Variants in ANKRD30BL observed in about 807,000 individuals in gnomAD.
ANKRD30BL encodes the protein ankyrin repeat domain 30B like.
In ANKRD30BL, 20 loss-of-function variants were observed where a neutral mutation model predicts 18.4. The observed-to-expected ratio is 1.09, with a 90% CI of 0.77 to 1.58. The LOEUF is 1.58. Ranked by LOEUF, ANKRD30BL falls within the 40% of genes most tolerant of loss-of-function variation. The pLI is 0.00. For synonymous variants in ANKRD30BL, 72 were observed against 100.9 expected, an observed-to-expected ratio of 0.71 and a Z score of 1.72; for missense variants, 224 against 268.6, an observed-to-expected ratio of 0.83 and a Z score of 1.16.
chr2:132,203,641 A>G (rs1181632325), intron 1 of ANKRD30BL, among the ~76,000 whole-genome samples: 2 of 152,064 alleles, frequency 1.3e-5, no homozygotes, highest in Admixed American at 6.6e-5. Context: ...GAGAAATTAA[A>G]TACAATGGAT....
chr2:132,240,826 A>T (rs1041274514), intron 1 of ANKRD30BL, among the ~76,000 whole-genome samples: 11 of 151,670 alleles, frequency 7.3e-5, no homozygotes, highest in Non-Finnish European at 1.5e-4. Flanking sequence ...ATGAAAAAAG[A>T]AACACCTTCT....
chr2:132,186,395 T>C (rs1432927775), intron 1 of ANKRD30BL, among the ~76,000 whole-genome samples: 1 of 152,200 alleles, frequency 6.6e-6, no homozygotes, highest in Non-Finnish European at 1.5e-5. Context: ...GTATTGAACA[T>C]GTATATGTTT....
rs544115484 is a variant in ANKRD30BL at position 132,172,315 on chromosome 2, T to C, written n.442-15169A>G. 3.9e-5 allele frequency among the ~76,000 whole-genome samples: 6 copies of C among 152,338 alleles called. No individual in the cohort carries two copies. The East Asian group carries it at 1.2e-3, about 29-fold the overall frequency. ...CCACCTAACTGTTGTCCACAGAAGC[T>C]ACACCATTTTACATTCCCACCAGCA... On this transcript the variant is annotated intron_variant and non_coding_transcript_variant, in intron 1 of 4. Transcript: ENST00000470729.
At chr2:132,220,770 T>A (rs1360593544) in intron 1 of ANKRD30BL, among the ~76,000 whole-genome samples, 1 of 151,842 alleles carries the variant, frequency 6.6e-6, no homozygotes, top group African/African-American at 2.4e-5. Context: ...GATTGCAGCC[T>A]CTGCCCGGCC....
upstream of ANKRD30BL, among the ~76,000 whole-genome samples, chr2:132,165,733 A>G (rs1335859088): frequency 1.3e-5 from 2 of 151,794 alleles, no homozygotes. Context: ...AAACAAACAA[A>G]AAAAACCACA....
chr2:132,200,613 A>T (rs1400680200), intron 1 of ANKRD30BL, among the ~76,000 whole-genome samples: 1 of 152,172 alleles, frequency 6.6e-6, no homozygotes, highest in Non-Finnish European at 1.5e-5. Flanking sequence ...CTTCAAGGAG[A>T]ACTACAAACC....
intron 1 of ANKRD30BL, among the ~76,000 whole-genome samples, chr2:132,176,847 A>G (rs1688374858): frequency 6.6e-6 from 1 of 152,192 alleles, no homozygotes; most frequent in African/African-American, 2.4e-5. Context: ...CTGAACTACC[A>G]TTTAAAATGG....
chr2:132,252,900 CCTTT>C (rs1444060511), intron 1 of ANKRD30BL, among the ~76,000 whole-genome samples: 1 of 152,172 alleles, frequency 6.6e-6, no homozygotes, highest in Non-Finnish European at 1.5e-5. Flanking sequence ...GGCTATCTTC[CCTTT>C]CTATTTTCAT....
chr2:132,231,921 A>G (rs1680030223), intron 1 of ANKRD30BL, among the ~76,000 whole-genome samples: 1 of 152,228 alleles, frequency 6.6e-6, no homozygotes, highest in Non-Finnish European at 1.5e-5. Flanking sequence ...ACCTCTGCAG[A>G]CTTAAATGTC....
intron 1 of ANKRD30BL, among the ~76,000 whole-genome samples, chr2:132,242,910 T>G (rs1428853380): frequency 6.6e-6 from 1 of 151,866 alleles, no homozygotes; most frequent in African/African-American, 2.4e-5. Context: ...AGAAGCATTC[T>G]CAGAAACTAC....
intron 1 of ANKRD30BL, among the ~76,000 whole-genome samples, chr2:132,221,968 C>T (rs777246673): frequency 0.011 from 1,429 of 131,916 alleles, 13 homozygotes; most frequent in Non-Finnish European, 0.016. Context: ...AGGTGAGGGG[C>T]GCCTCTGCCT....
chr2:132,206,285 A>G (rs1462240930), intron 1 of ANKRD30BL, among the ~76,000 whole-genome samples: 2 of 152,192 alleles, frequency 1.3e-5, no homozygotes, highest in Admixed American at 6.6e-5. Flanking sequence ...CTACGAATGG[A>G]AACAGCAACA....
chr2:132,149,388 A>T lies in ANKRD30BL; in HGVS notation c.680-1160T>A, dbSNP rs541091793. Among the ~76,000 whole-genome samples, 313 of 152,318 alleles carry T rather than the reference A, an allele frequency of 2.1e-3. 1 individual carries two copies. Among genetic ancestry groups the T allele is most frequent in the Non-Finnish European group, 2.7e-3 (185 of 68,016 alleles). ...CACATCTTGTTCTAATGAAGTAAACATATCTTATTTGGTTTCAACTTAGAG... is the reference window on the plus strand; with the variant it reads ...CACATCTTGTTCTAATGAAGTAAACTTATCTTATTTGGTTTCAACTTAGAG... On this transcript the variant is annotated intron_variant, in intron 5 of 5. Transcript: ENST00000409867.
intron 1 of ANKRD30BL, among the ~76,000 whole-genome samples, chr2:132,251,839 T>C (rs1680656937): frequency 6.6e-6 from 1 of 152,268 alleles, no homozygotes; most frequent in African/African-American, 2.4e-5. Flanking sequence ...GTGTTCTTTA[T>C]CTCTTCTAAG....
In ANKRD30BL at chr2:132,220,489, G is replaced by C. The variant is rs1055473719; in HGVS notation, n.441+37040C>G. Among the ~76,000 whole-genome samples, 48 of 151,964 alleles carry C rather than the reference G, an allele frequency of 3.2e-4. 1 individual carries two copies. The highest frequency in any genetic ancestry group is 2.0e-4 in the Admixed American group (3 of 15,220). On this transcript the variant is annotated intron_variant and non_coding_transcript_variant, in intron 1 of 4. Coordinates refer to the ANKRD30BL transcript ENST00000470729. The stretch of plus-strand genomic sequence containing the variant: ...CCTGATTCTCCTGCCTCAGCCTGCC[G>C]AGTGCCTGTGATTGCAGGCGCGCGT...
At position 132,160,255 on chromosome 2, in the gene ANKRD30BL, T is replaced by C. The variant is rs1474040059; in HGVS notation, c.218+1233A>G. ...TAGATGGGCTTACAGGCTCCCGACA[T>C]CCTGCCTGGCTAATTTTTGTATTTT... On this transcript the variant is annotated intron_variant, in intron 1 of 5. Coordinates refer to ENST00000409867, the MANE Select transcript of ANKRD30BL (RefSeq NM_001358416.1). Among the ~76,000 whole-genome samples the C allele has an allele frequency of 2.6e-5, 4 of 151,716 alleles. No homozygotes were observed. In the East Asian group the frequency reaches 7.8e-4, roughly 29 times the overall value.
chr2:132,174,259 T>C (rs1688327064), intron 1 of ANKRD30BL, among the ~76,000 whole-genome samples: 2 of 152,200 alleles, frequency 1.3e-5, no homozygotes, highest in African/African-American at 4.8e-5. Flanking sequence ...GGAACAAACT[T>C]AGAACCACTA....
At chr2:132,187,347 G>A (rs201396294) in intron 1 of ANKRD30BL, among the ~76,000 whole-genome samples, 2 of 151,670 alleles carry the variant, frequency 1.3e-5, no homozygotes, top group African/African-American at 2.4e-5. Flanking sequence ...GACATGCGCC[G>A]ACATGCCCAG....
intron 1 of ANKRD30BL, among the ~76,000 whole-genome samples, chr2:132,233,840 T>C (rs1278284456): frequency 6.6e-6 from 1 of 151,500 alleles, no homozygotes; most frequent in African/African-American, 2.4e-5. Context: ...GTGGACCTAA[T>C]AGACATCTAC....
Sources: allele counts gnomAD v4.1 joint callset (sites outside exome capture counted in the v4.1 genomes callset), GRCh38; gene constraint gnomAD v4.1.1; transcripts MANE v1.5; gene names NCBI Gene and HGNC (gene_info 2026-07-23, HGNC 2026-07-21).